FAM13B: variants seen among roughly 807,000 people sequenced by gnomAD.
The protein encoded by FAM13B is protein FAM13B.
In FAM13B, 60 loss-of-function variants were observed where a neutral mutation model predicts 117.3. The observed-to-expected ratio is 0.51, with a 90% CI of 0.42 to 0.63. The LOEUF (loss-of-function observed/expected upper bound fraction) is 0.63. Among genes scored for constraint, FAM13B ranks in the 30% least tolerant of loss-of-function variants. The pLI is 0.00. For synonymous variants in FAM13B, 332 were observed against 356.1 expected (o/e 0.93, Z 0.76); for missense variants, 972 against 1,091.9 (o/e 0.89, Z 1.55).
chr5:138,046,448 G>T (rs1292523390), intron 1 of FAM13B, among the ~76,000 whole-genome samples: 1 of 152,198 alleles, frequency 6.6e-6, no homozygotes, highest in Admixed American at 6.5e-5. Context: ...AAGGGGCATT[G>T]TCTATTTTCT....
At chr5:137,977,053 T>TACCCCTGAGAAAGAGAATGC (rs1351045475) in intron 10 of FAM13B, among the ~76,000 whole-genome samples, 22 of 152,280 alleles carry the variant, frequency 1.4e-4, no homozygotes, top group Non-Finnish European at 1.9e-4. Context: ...CAGCAAGGAA[T>TACCCCTGAGAAAGAGAATGC]ACCCCTGAGA....
chr5:138,032,602 A>G (rs1191384519), intron 1 of FAM13B, among the ~76,000 whole-genome samples, 180 bp downstream of exon 1: 1 of 152,112 alleles, frequency 6.6e-6, no homozygotes, highest in East Asian at 1.9e-4. Flanking sequence ...CTCTTTCTCC[A>G]GCGGAAAGGG....
At chr5:137,970,822 T>TA (rs1267406059) in intron 10 of FAM13B, among the ~76,000 whole-genome samples, 1 of 151,848 alleles carries the variant, frequency 6.6e-6, no homozygotes, top group Non-Finnish European at 1.5e-5. Flanking sequence ...TAGTCTCTGA[T>TA]AAAACAGACT....
At chr5:138,010,020 G>A (rs1466324389) in intron 6 of FAM13B, among the ~76,000 whole-genome samples, 1 of 151,742 alleles carries the variant, frequency 6.6e-6, no homozygotes, top group African/African-American at 2.4e-5. Flanking sequence ...TTGCTCTGTC[G>A]GTCAGGCTGA....
intron 10 of FAM13B, among the ~76,000 whole-genome samples, chr5:137,966,486 TATAGAGAGAGAGAGAG>T (rs1426519631): frequency 6.8e-5 from 3 of 44,012 alleles, no homozygotes; most frequent in African/African-American, 1.9e-4. Flanking sequence ...TATATATATA[TATAGAGAGAGAGAGAG>T]AGAGAGAGAG....
At chr5:138,036,261 C>T (rs561971039), upstream of FAM13B, 169 of 366,770 alleles carry the variant, frequency 4.6e-4, no homozygotes, top group African/African-American at 3.2e-3. Context: ...GGAAGCAAAG[C>T]GTCTGGACGA....
At chr5:137,986,076 CT>C (rs146328965) in intron 9 of FAM13B, among the ~76,000 whole-genome samples, 63 of 148,534 alleles carry the variant, frequency 4.2e-4, no homozygotes, top group Middle Eastern at 3.4e-3. Flanking sequence ...TGTATACATG[CT>C]TTTTTTTTTA....
rs753291468 is a variant in FAM13B, at chr5:137,942,919, TTTTTCTTGA to T, written c.2535_2543del (p.Asn845_Glu847del). ...TTGACAATCGGAGATCCAGAGCCAG[TTTTTCTTGA>T]TTTTCTTCAACATCAGATTCAGAGT... is the stretch of plus-strand genomic sequence containing the variant. On this transcript the variant is annotated inframe_deletion, in exon 22 of 24. Coordinates refer to ENST00000689681, the MANE Select transcript of FAM13B (RefSeq NM_001385994.1). The T allele has an allele frequency of 4.3e-6, 7 of 1,613,578 alleles. No individual in the cohort carries two copies. The Admixed American group carries it at 1.2e-4, about 27-fold the overall frequency.
chr5:137,965,846 TA>T (rs1055703764), intron 10 of FAM13B, among the ~76,000 whole-genome samples: 1 of 152,210 alleles, frequency 6.6e-6, no homozygotes, highest in Non-Finnish European at 1.5e-5. Context: ...TGAATAATTC[TA>T]AGTTTTGAAG....
chr5:137,995,285 A>T (rs1779586925), intron 7 of FAM13B, among the ~76,000 whole-genome samples: 1 of 152,228 alleles, frequency 6.6e-6, no homozygotes, highest in Admixed American at 6.5e-5. Flanking sequence ...GCAACTTTTC[A>T]GGAGGTGGAC....
chr5:138,043,588 C>A lies in FAM13B; in HGVS notation c.-203+8290G>T, dbSNP rs1220059375. On this transcript the variant is annotated intron_variant, in intron 1 of 3. Transcript: ENST00000502471. ...CCAAGTAGCTGGGACTACAGGCGCA[C>A]GCCACCACGCCCGGCTGATTTTTTG... 5.9e-5 allele frequency among the ~76,000 whole-genome samples: 9 copies of A among 151,760 alleles called. No homozygotes were observed. The East Asian group carries it at 1.8e-3, about 30-fold the overall frequency.
At chr5:137,950,521 G>T (rs891573410) in intron 17 of FAM13B, among the ~76,000 whole-genome samples, 1 of 152,098 alleles carries the variant, frequency 6.6e-6, no homozygotes, top group Non-Finnish European at 1.5e-5. Context: ...GCTTGAAAAA[G>T]AAAGTAGTAA....
chr5:138,003,425 T>G (rs780306792), intron 7 of FAM13B, among the ~76,000 whole-genome samples: 3 of 152,180 alleles, frequency 2.0e-5, no homozygotes, highest in Non-Finnish European at 2.9e-5. Flanking sequence ...ACCAAAAAAG[T>G]AGTCATGGGT....
intron 15 of FAM13B, 62 bp downstream of exon 15, chr5:137,954,104 C>A: frequency 4.4e-5 from 37 of 841,608 alleles, no homozygotes; most frequent in Middle Eastern, 3.9e-4. Flanking sequence ...AAGACTAAAT[C>A]TCTCAAAAGA....
intron 7 of FAM13B, among the ~76,000 whole-genome samples, chr5:137,997,944 A>G (rs1780260667): frequency 1.3e-5 from 2 of 152,224 alleles, no homozygotes; most frequent in Admixed American, 1.3e-4. Flanking sequence ...TTCCTACATA[A>G]GTGAACTGAA....
chr5:138,043,542 C>G (rs1037226763), intron 1 of FAM13B, among the ~76,000 whole-genome samples: 1 of 151,052 alleles, frequency 6.6e-6, no homozygotes, highest in African/African-American at 2.4e-5. Flanking sequence ...CAGGTTCAAG[C>G]AATTCCCCTG....
chr5:138,006,851 AAT>A lies in FAM13B; in HGVS notation c.848+137_848+138del, dbSNP rs1782685442. On this transcript the variant is annotated intron_variant, in intron 7 of 23. Transcript: ENST00000689681. The stretch of plus-strand genomic sequence containing the variant: ...ATTCCTTAGCAAGACTGCATCTTTA[AAT>A]TTTACTTCTTGCTCTTTTTCACACA... 8.9e-6 allele frequency: 7 copies of A among 783,352 alleles called. No homozygotes were observed. The East Asian group carries it at 2.0e-4, about 22-fold the overall frequency. 48.5% of individuals were successfully genotyped at this position (783,352 alleles called of 1,614,324 possible).
At chr5:137,965,264 T>G (rs1769346668) in intron 10 of FAM13B, among the ~76,000 whole-genome samples, 1 of 152,158 alleles carries the variant, frequency 6.6e-6, no homozygotes, top group Non-Finnish European at 1.5e-5. Context: ...TCCACAAACA[T>G]TAAGGTCTGC....
intron 4 of FAM13B, 61 bp from the exon 5 acceptor site, chr5:138,012,006 G>A: frequency 1.6e-6 from 2 of 1,270,250 alleles, no homozygotes; most frequent in Admixed American, 2.6e-5. Flanking sequence ...CTGATATTTT[G>A]CCAGGTTCAC....
Sources: gnomAD v4.1 joint callset for allele counts (sites outside exome capture counted in the v4.1 genomes callset) on GRCh38, gnomAD v4.1.1 for gene constraint, MANE v1.5 for transcripts, NCBI Gene and HGNC (gene_info 2026-07-23, HGNC 2026-07-21) for gene names.